FARS2: variants seen among roughly 807,000 people sequenced by gnomAD.
The protein encoded by FARS2 is phenylalanine--tRNA ligase, mitochondrial.
Under a neutral mutation model 46.4 loss-of-function variants are expected in FARS2, and 40 were observed. The observed-to-expected ratio is 0.86, with a 90% CI of 0.67 to 1.12. The LOEUF (loss-of-function observed/expected upper bound fraction) is 1.12, where lower values mean the gene tolerates loss of function less well. Among genes scored for constraint, FARS2 ranks in the 50% most tolerant of loss-of-function variants. The probability of loss-of-function intolerance (pLI) is 0.00; values close to 1 mark genes in which losing one functional copy is unlikely to be tolerated. For missense variants in FARS2, 513 were observed against 567.9 expected (o/e 0.90, Z 0.98); for synonymous variants, 234 against 214.9 (o/e 1.09, Z -0.78).
intron 6 of FARS2, among the ~76,000 whole-genome samples, chr6:5,751,984 C>G (rs1761972908): frequency 6.6e-6 from 1 of 152,152 alleles, no homozygotes; most frequent in African/African-American, 2.4e-5. Context: ...CATGGGGTGT[C>G]CTGGGATGCG....
At chr6:5,355,671 A>G (rs958464522) in intron 1 of FARS2, among the ~76,000 whole-genome samples, 1 of 151,916 alleles carries the variant, frequency 6.6e-6, no homozygotes, top group South Asian at 2.1e-4. Flanking sequence ...TAGATTTATA[A>G]TGCTGTTTTC....
chr6:5,618,340 G>A (rs1775582698), intron 6 of FARS2, among the ~76,000 whole-genome samples: 1 of 152,110 alleles, frequency 6.6e-6, no homozygotes, highest in Non-Finnish European at 1.5e-5. Context: ...GAAGTGAATG[G>A]TCTCCTGACC....
intron 6 of FARS2, among the ~76,000 whole-genome samples, chr6:5,758,427 A>G (rs1762320179): frequency 6.6e-6 from 1 of 152,186 alleles, no homozygotes; most frequent in African/African-American, 2.4e-5. Flanking sequence ...AAGTGCCTGA[A>G]AAACTTATCC....
intron 4 of FARS2, among the ~76,000 whole-genome samples, chr6:5,517,374 G>A (rs1436545813): frequency 1.3e-5 from 2 of 152,148 alleles, no homozygotes; most frequent in African/African-American, 4.8e-5. Flanking sequence ...CACTTTGGGA[G>A]GCCGAGGCAG....
chr6:5,726,475 A>T (rs1436181097), intron 6 of FARS2, among the ~76,000 whole-genome samples: 2 of 152,216 alleles, frequency 1.3e-5, no homozygotes, highest in Non-Finnish European at 2.9e-5. Flanking sequence ...ATGTAAAAAC[A>T]TGGTTGCACA....
At chr6:5,689,755 G>T (rs1757545889) in intron 6 of FARS2, among the ~76,000 whole-genome samples, 1 of 152,202 alleles carries the variant, frequency 6.6e-6, no homozygotes, top group Admixed American at 6.5e-5. Flanking sequence ...GGATATGCTT[G>T]TTAACTTCCT....
intron 6 of FARS2, among the ~76,000 whole-genome samples, chr6:5,672,136 G>A (rs1485750520): frequency 1.3e-5 from 2 of 152,194 alleles, no homozygotes; most frequent in Admixed American, 1.3e-4. Flanking sequence ...CCCTTCAGTG[G>A]GAAGGCAAGA....
At chr6:5,354,749 G>GTGA (rs1757807301) in intron 1 of FARS2, among the ~76,000 whole-genome samples, 1 of 152,022 alleles carries the variant, frequency 6.6e-6, no homozygotes, top group Non-Finnish European at 1.5e-5. Flanking sequence ...TCCTGACCTC[G>GTGA]TGATCCACCT....
chr6:5,303,733 T>G (rs1357803845), intron 1 of FARS2, among the ~76,000 whole-genome samples: 1 of 152,032 alleles, frequency 6.6e-6, no homozygotes, highest in East Asian at 1.9e-4. Context: ...GGCTTGTGAC[T>G]TTAACCAAAT....
At chr6:5,687,746 G>A (rs1480094903) in intron 6 of FARS2, among the ~76,000 whole-genome samples, 14 of 152,162 alleles carry the variant, frequency 9.2e-5, no homozygotes, top group Admixed American at 8.5e-4. Context: ...GAAAGTCATT[G>A]GTAACTTGAT....
At chr6:5,675,196 A>G (rs1038807905) in intron 6 of FARS2, among the ~76,000 whole-genome samples, 1 of 113,282 alleles carries the variant, frequency 8.8e-6, no homozygotes, top group Non-Finnish European at 1.9e-5. Context: ...ATATTTGCAG[A>G]TAGACACACA....
intron 5 of FARS2, among the ~76,000 whole-genome samples, chr6:5,567,167 C>T (rs1772371516): frequency 6.6e-6 from 1 of 152,210 alleles, no homozygotes; most frequent in Non-Finnish European, 1.5e-5. Flanking sequence ...CACATCCTCG[C>T]CAACGAGTTA....
At chr6:5,439,508 C>T (rs1269411623) in intron 4 of FARS2, among the ~76,000 whole-genome samples, 4 of 152,148 alleles carry the variant, frequency 2.6e-5, no homozygotes, top group Non-Finnish European at 5.9e-5. Context: ...TGTTGACTCT[C>T]CTGTATAATT....
intron 5 of FARS2, chr6:5,610,292 T>G: frequency 2.4e-6 from 1 of 423,520 alleles, no homozygotes. Flanking sequence ...GTAGTTTTGA[T>G]GCCCTTTTCA....
Position 5,400,385 on chromosome 6 carries a change from C to A in FARS2, c.613-4157C>A, listed in dbSNP as rs558803536. 2.6e-5 allele frequency among the ~76,000 whole-genome samples: 4 copies of A among 151,554 alleles called. No individual in the cohort carries two copies. In the East Asian group the frequency reaches 7.8e-4, roughly 29 times the overall value. On this transcript the variant is annotated intron_variant, in intron 2 of 6. Transcript: ENST00000274680. ...ATGTTTCCTGACTTTTGTTCCCCTT[C>A]TTTTTTTGTCAGTTTTCAGGTGGAA...
intron 1 of FARS2, among the ~76,000 whole-genome samples, chr6:5,354,682 T>C (rs2127613370): frequency 6.6e-6 from 1 of 152,050 alleles, no homozygotes; most frequent in South Asian, 2.1e-4. Context: ...CCCAGCTAAC[T>C]TTTTGTATTT....
chr6:5,585,572 C>T (rs1004966301), intron 5 of FARS2, among the ~76,000 whole-genome samples: 5 of 151,466 alleles, frequency 3.3e-5, no homozygotes, highest in East Asian at 3.9e-4. Context: ...ATGTACTATT[C>T]GTCTTTATAT....
At chr6:5,360,941 A>G (rs1758258677) in intron 1 of FARS2, among the ~76,000 whole-genome samples, 1 of 152,252 alleles carries the variant, frequency 6.6e-6, no homozygotes, top group Non-Finnish European at 1.5e-5. Context: ...GAACCAAAGA[A>G]GCCACAGAAA....
At chr6:5,514,856 C>T (rs1017453771) in intron 4 of FARS2, among the ~76,000 whole-genome samples, 3 of 151,930 alleles carry the variant, frequency 2.0e-5, no homozygotes, top group Admixed American at 6.6e-5. Flanking sequence ...CAGCCTCAAC[C>T]TCCTGGGCTC....
Sources: gnomAD v4.1 joint callset for allele counts (sites outside exome capture counted in the v4.1 genomes callset) on GRCh38, gnomAD v4.1.1 for gene constraint, MANE v1.5 for transcripts, NCBI Gene and HGNC (gene_info 2026-07-23, HGNC 2026-07-21) for gene names.